TBC1D5: variants seen among roughly 807,000 people sequenced by gnomAD.
TBC1D5 encodes the protein TBC1 domain family member 5.
In TBC1D5, 75 loss-of-function variants were observed where a neutral mutation model predicts 100.3. That is an observed-to-expected ratio of 0.75 (90% CI 0.62 to 0.91). The LOEUF (loss-of-function observed/expected upper bound fraction) is 0.91. Ranked by LOEUF, TBC1D5 falls within the 40% of genes least tolerant of loss-of-function variation. The pLI, the probability that TBC1D5 is intolerant of heterozygous loss-of-function variation, is 0.00. For missense variants in TBC1D5, 910 were observed against 942.4 expected (o/e 0.97, Z 0.45); for synonymous variants, 323 against 325.6 (o/e 0.99, Z 0.09).
At chr3:17,203,871 T>C (rs1340294618) in intron 18 of TBC1D5, among the ~76,000 whole-genome samples, 2 of 152,188 alleles carry the variant, frequency 1.3e-5, no homozygotes, top group African/African-American at 4.8e-5. Flanking sequence ...AATAAGAGAA[T>C]GGACTAATAC....
chr3:17,337,188 T>A (rs1367043617), intron 13 of TBC1D5, among the ~76,000 whole-genome samples: 1 of 147,298 alleles, frequency 6.8e-6, no homozygotes, highest in African/African-American at 2.5e-5. Context: ...ATTTAGTGAG[T>A]CTGGGGTGGT....
At chr3:17,502,707 T>C (rs2095800195) in intron 3 of TBC1D5, among the ~76,000 whole-genome samples, 1 of 149,410 alleles carries the variant, frequency 6.7e-6, no homozygotes, top group South Asian at 2.1e-4. Flanking sequence ...GAACATCCAA[T>C]GTCATGTCCT....
chr3:17,591,272 AC>A lies in TBC1D5; in HGVS notation c.-36+32576del, dbSNP rs2096770007. On this transcript the variant is annotated intron_variant, in intron 2 of 21. Transcript: ENST00000253692. ...AAAAAAAAAAAAAAAAAAAACAAAA[AC>A]CCCAGAGAATCATGGCCCCTCAATT... 1.2e-4 allele frequency among the ~76,000 whole-genome samples: 17 copies of A among 143,830 alleles called. 1 individual carries two copies. The highest frequency in any genetic ancestry group is 9.2e-4 in the Admixed American group (13 of 14,176). 94.4% of individuals were successfully genotyped at this position (143,830 alleles called of 152,430 possible).
At chr3:17,575,037 C>T (rs999956452) in intron 2 of TBC1D5, among the ~76,000 whole-genome samples, 1 of 152,072 alleles carries the variant, frequency 6.6e-6, no homozygotes. Context: ...TTAAAAATTT[C>T]CAATGTCCCA....
intron 3 of TBC1D5, among the ~76,000 whole-genome samples, chr3:17,502,142 C>G (rs2095794681): frequency 6.7e-6 from 1 of 149,676 alleles, no homozygotes; most frequent in East Asian, 1.9e-4. Context: ...GACCGCAGAA[C>G]TCTTCTTCCA....
chr3:17,265,100 T>C (rs1343273458), intron 15 of TBC1D5, among the ~76,000 whole-genome samples: 2 of 152,176 alleles, frequency 1.3e-5, no homozygotes, highest in Non-Finnish European at 2.9e-5. Flanking sequence ...TTTATTAATA[T>C]GAAAAAGGTG....
rs571345577 is a variant in TBC1D5 at position 17,170,746 on chromosome 3, G to GCA, written c.1853-2920_1853-2919dup. Among the ~76,000 whole-genome samples, 326 of 152,214 alleles carry GCA rather than the reference G, an allele frequency of 2.1e-3. 2 individuals are homozygous for GCA. The highest frequency in any genetic ancestry group is 7.2e-4 in the Non-Finnish European group (49 of 68,016). On this transcript the variant is annotated intron_variant, in intron 19 of 21. Coordinates refer to ENST00000253692, the Ensembl canonical transcript of TBC1D5. ...CTCTTTAGAGGCAAGGACCTAGAAG[G>GCA]CACTCAGAAACTCTTCCTCAAACAC...
intron 18 of TBC1D5, among the ~76,000 whole-genome samples, chr3:17,203,782 C>T (rs2071789681): frequency 6.6e-6 from 1 of 152,204 alleles, no homozygotes; most frequent in South Asian, 2.1e-4. Flanking sequence ...GCCATGCTTC[C>T]TGTACAGCCT....
intron 3 of TBC1D5, among the ~76,000 whole-genome samples, chr3:17,506,976 A>G (rs1166205244): frequency 2.6e-5 from 4 of 152,180 alleles, no homozygotes; most frequent in African/African-American, 9.7e-5. Flanking sequence ...AGATTGCGCC[A>G]TTGCACTCCA....
rs2094229835 is a variant in TBC1D5, at chr3:17,422,352, TTG to T, written c.167+6096_167+6097del. Reference sequence around the variant, plus strand: ...CTGGCTAATTTTGTTTTTTGTTTTTTTGTTTTTTTTTTTCAGTAGAGACGGGG... The same window carrying T: ...CTGGCTAATTTTGTTTTTTGTTTTTTTTTTTTTTTTTCAGTAGAGACGGGG... On this transcript the variant is annotated intron_variant, in intron 4 of 21. Coordinates refer to ENST00000253692, the Ensembl canonical transcript of TBC1D5. 1.3e-5 allele frequency among the ~76,000 whole-genome samples: 2 copies of T among 151,660 alleles called. 1 individual carries two copies. Among genetic ancestry groups the T allele is most frequent in the African/African-American group, 4.8e-5 (2 of 41,276 alleles).
chr3:17,628,270 C>T (rs1229127263), intron 1 of TBC1D5, among the ~76,000 whole-genome samples: 3 of 151,528 alleles, frequency 2.0e-5, no homozygotes, highest in Admixed American at 6.6e-5. Context: ...CTTGTGAGGC[C>T]GGGCAGGGGA....
At chr3:17,440,991 T>TGTGG (rs2094642651) in intron 3 of TBC1D5, among the ~76,000 whole-genome samples, 1 of 152,092 alleles carries the variant, frequency 6.6e-6, no homozygotes. Flanking sequence ...TGAAGTGATT[T>TGTGG]GTGGGTGGGT....
intron 1 of TBC1D5, among the ~76,000 whole-genome samples, chr3:17,657,087 T>C (rs2066143648): frequency 6.6e-6 from 1 of 152,038 alleles, no homozygotes; most frequent in Non-Finnish European, 1.5e-5. Flanking sequence ...AATTTGAACC[T>C]TGTCTGCTGA....
chr3:17,709,989 C>T lies in TBC1D5; in HGVS notation c.-101+29354G>A, dbSNP rs2074561143. Among the ~76,000 whole-genome samples, 7 of 152,204 alleles carry T rather than the reference C, an allele frequency of 4.6e-5. No individual in the cohort carries two copies. The South Asian group carries it at 1.5e-3, about 32-fold the overall frequency. On this transcript the variant is annotated intron_variant, in intron 1 of 21. Transcript: ENST00000253692. ...CGGGAAGGAGCAATGAGCATGGGCCCTTGATTAAAACCAAATTATTTAGAA... is the reference window on the plus strand; with the variant it reads ...CGGGAAGGAGCAATGAGCATGGGCCTTTGATTAAAACCAAATTATTTAGAA...
At chr3:17,739,049 C>T (rs2077187512) in intron 1 of TBC1D5, among the ~76,000 whole-genome samples, 1 of 152,162 alleles carries the variant, frequency 6.6e-6, no homozygotes, top group African/African-American at 2.4e-5. Flanking sequence ...CTAGAAGCAG[C>T]CCACAGGCCC....
intron 14 of TBC1D5, among the ~76,000 whole-genome samples, chr3:17,304,332 A>G (rs779229126): frequency 3.1e-4 from 47 of 152,194 alleles, no homozygotes; most frequent in Non-Finnish European, 6.5e-4. Flanking sequence ...GGGAACAGGG[A>G]TTAGGGGTGG....
At chr3:17,421,794 T>C (rs2094213505) in intron 4 of TBC1D5, among the ~76,000 whole-genome samples, 1 of 152,216 alleles carries the variant, frequency 6.6e-6, no homozygotes, top group Non-Finnish European at 1.5e-5. Flanking sequence ...AGAGCTAAGA[T>C]CTAGACTTTA....
At chr3:17,608,616 T>C (rs1385094551) in intron 2 of TBC1D5, among the ~76,000 whole-genome samples, 1 of 152,216 alleles carries the variant, frequency 6.6e-6, no homozygotes, top group Non-Finnish European at 1.5e-5. Flanking sequence ...AAATTAGAAT[T>C]ACACAATATA....
At chr3:17,526,658 A>C (rs569542112) in intron 2 of TBC1D5, among the ~76,000 whole-genome samples, 121 of 152,220 alleles carry the variant, frequency 7.9e-4, no homozygotes, top group Non-Finnish European at 1.3e-3. Flanking sequence ...GATTATATGA[A>C]TATCCCTGAA....
Sources: gnomAD v4.1 joint callset for allele counts (sites outside exome capture counted in the v4.1 genomes callset) on GRCh38, gnomAD v4.1.1 for gene constraint, MANE v1.5 for transcripts, NCBI Gene and HGNC (gene_info 2026-07-23, HGNC 2026-07-21) for gene names.